The following NAPEPLD variants were observed in gnomAD, a reference collection of about 807,000 sequenced individuals.
NAPEPLD encodes the protein N-acyl-phosphatidylethanolamine-hydrolyzing phospholipase D.
Under a neutral mutation model 38.1 loss-of-function variants are expected in NAPEPLD, and 23 were observed. The observed-to-expected ratio is 0.60, with a 90% CI of 0.43 to 0.86. The LOEUF (loss-of-function observed/expected upper bound fraction) is 0.86, where lower values mean the gene tolerates loss of function less well. Ranked by LOEUF, NAPEPLD falls within the 40% of genes least tolerant of loss-of-function variation. The pLI is 0.00. For missense variants in NAPEPLD, 411 were observed against 476.8 expected, an observed-to-expected ratio of 0.86 and a Z score of 1.28; for synonymous variants, 147 against 162.0, an observed-to-expected ratio of 0.91 and a Z score of 0.71.
At chr7:103,105,773 A>G (rs1281145706) in intron 4 of NAPEPLD, among the ~76,000 whole-genome samples, 1 of 152,100 alleles carries the variant, frequency 6.6e-6, no homozygotes, top group African/African-American at 2.4e-5. Context: ...TCTCTACTAA[A>G]AATACAAAAA....
In NAPEPLD at chr7:103,125,899, T is replaced by TAAC. The variant is rs1351065885; in HGVS notation, c.294+2583_294+2584insGTT. Reference sequence around the variant, plus strand: ...TGAGACTCTGTCTCAAAAATAATAATAATAATAATAATAATAATAATAAAT... The same window carrying TAAC: ...TGAGACTCTGTCTCAAAAATAATAATAACAATAATAATAATAATAATAATAAAT... On this transcript the variant is annotated intron_variant, in intron 2 of 4. Coordinates refer to ENST00000465647, the MANE Select transcript of NAPEPLD (RefSeq NM_001122838.3). Among the ~76,000 whole-genome samples the TAAC allele has an allele frequency of 2.7e-5, 4 of 147,648 alleles. No individual in the cohort carries two copies. In the East Asian group the frequency reaches 8.2e-4, roughly 30 times the overall value.
upstream of NAPEPLD, among the ~76,000 whole-genome samples, chr7:103,149,795 T>C (rs951628779): frequency 6.6e-6 from 1 of 152,210 alleles, no homozygotes; most frequent in Non-Finnish European, 1.5e-5. Flanking sequence ...TTGCTAAAAC[T>C]AAATGGGATC....
intron 4 of NAPEPLD, 62 bp from the exon 5 acceptor site, chr7:103,103,616 A>C (rs1171483607): frequency 5.3e-6 from 8 of 1,522,260 alleles, no homozygotes; most frequent in Non-Finnish European, 7.0e-6. Flanking sequence ...AGATTTTCCA[A>C]ATAACAGTTC....
intron 1 of NAPEPLD, among the ~76,000 whole-genome samples, chr7:103,145,015 A>G (rs1174878985): frequency 1.3e-5 from 2 of 152,034 alleles, no homozygotes; most frequent in African/African-American, 4.8e-5. Context: ...TTGTCTCAAA[A>G]AAAAAAATTC....
intron 2 of NAPEPLD, among the ~76,000 whole-genome samples, chr7:103,125,906 A>T (rs1585865193): frequency 6.7e-6 from 1 of 148,672 alleles, no homozygotes; most frequent in Non-Finnish European, 1.5e-5. Context: ...TAATAATAAT[A>T]ATAATAATAA....
chr7:103,136,040 C>T (rs1422926669), intron 1 of NAPEPLD, among the ~76,000 whole-genome samples: 1 of 151,984 alleles, frequency 6.6e-6, no homozygotes, highest in Non-Finnish European at 1.5e-5. Context: ...AATCCCAATA[C>T]TTTGGGAGGC....
At chr7:103,111,745 C>T (rs1804565983) in intron 4 of NAPEPLD, among the ~76,000 whole-genome samples, 1 of 152,042 alleles carries the variant, frequency 6.6e-6, no homozygotes, top group South Asian at 2.1e-4. Flanking sequence ...GCAACAAAAG[C>T]CAAATAGACA....
rs772234349 is a variant in NAPEPLD, at chr7:103,120,036, C to T, written c.482G>A (p.Gly161Asp). The T allele has an allele frequency of 1.2e-6, 2 of 1,614,174 alleles. No homozygotes were observed. The highest frequency in any genetic ancestry group is 1.1e-5 in the South Asian group (1 of 91,078). The change falls in exon 3 of 5, where the codon GGT becomes GAT. Residue 161 changes from glycine (G) to aspartate (D), a missense_variant. By Grantham distance (94) the Gly-to-Asp change is moderately conservative. Transcript: ENST00000465647. ...CGGGGAACGACGAAATCGCTTTGGA[C>T]CCATGTACTGCGATGGTGAAGCACG... Reference protein sequence around the residue: ...SSRASPSQYMGPKRFRRSPCT... With the variant: ...SSRASPSQYMDPKRFRRSPCT...
chr7:103,149,120 C>T (rs1035919529), upstream of NAPEPLD: 2 of 986,666 alleles, frequency 2.0e-6, no homozygotes, highest in Non-Finnish European at 2.4e-6. Context: ...GCCCAGAGAC[C>T]GTGGAGGAGG....
In NAPEPLD at chr7:103,146,388, C is replaced by G. The variant is rs549958797; in HGVS notation, c.-17+2423G>C. Among the ~76,000 whole-genome samples the G allele has an allele frequency of 2.0e-5, 3 of 151,728 alleles. No homozygotes were observed. In the South Asian group the frequency reaches 6.2e-4, roughly 32 times the overall value. On this transcript the variant is annotated intron_variant, in intron 1 of 4. Transcript: ENST00000465647. ...GTGACCAGTTCAAGAGTGCTAGTGA[C>G]AATGAGAAAGCTTGGTGTTTCTCTA...
chr7:103,137,943 G>A (rs1484912580), intron 1 of NAPEPLD, among the ~76,000 whole-genome samples: 1 of 151,478 alleles, frequency 6.6e-6, no homozygotes, highest in African/African-American at 2.4e-5. Context: ...CTTGAAATGC[G>A]TCCTAAATAT....
At chr7:103,146,620 G>C (rs1476749360) in intron 1 of NAPEPLD, among the ~76,000 whole-genome samples, 2 of 152,196 alleles carry the variant, frequency 1.3e-5, no homozygotes, top group Non-Finnish European at 2.9e-5. Context: ...GAATTATGCT[G>C]ATCCATCTAC....
At chr7:103,145,793 A>T (rs1446859981) in intron 1 of NAPEPLD, among the ~76,000 whole-genome samples, 1 of 152,168 alleles carries the variant, frequency 6.6e-6, no homozygotes, top group Non-Finnish European at 1.5e-5. Context: ...ATGCTTAAAA[A>T]CACTTGGAAC....
At chr7:103,116,197 G>A (rs1022513626) in intron 3 of NAPEPLD, among the ~76,000 whole-genome samples, 2 of 152,068 alleles carry the variant, frequency 1.3e-5, no homozygotes, top group Non-Finnish European at 2.9e-5. Context: ...GGGTAGCTGG[G>A]ACTATAGGCA....
At position 103,141,482 on chromosome 7, in the gene NAPEPLD, T is replaced by C. The variant is rs908941429; in HGVS notation, c.-17+7329A>G. 5 of 1,331,600 alleles carry C rather than the reference T, an allele frequency of 3.8e-6. No homozygotes were observed. The East Asian group carries it at 6.9e-5, about 18-fold the overall frequency. 82.5% of individuals were successfully genotyped at this position (1,331,600 alleles called of 1,614,324 possible). A position where few individuals can be genotyped will look rare whatever the true frequency, so the allele number is the denominator to read the frequency against. ...GGCCTCAGCCTGATCAGCCAGGAGC[T>C]TCTTGCGGGCCTTGTCTGCCTTCAG... On this transcript the variant is annotated intron_variant, in intron 1 of 4. Coordinates refer to ENST00000465647, the MANE Select transcript of NAPEPLD (RefSeq NM_001122838.3).
intron 2 of NAPEPLD, among the ~76,000 whole-genome samples, chr7:103,124,849 A>G (rs1807437965): frequency 6.6e-6 from 1 of 152,220 alleles, no homozygotes; most frequent in African/African-American, 2.4e-5. Context: ...GTAAGTACCC[A>G]ATCAGGAGTG....
intron 1 of NAPEPLD, chr7:103,141,252 T>G (rs1230236199): frequency 5.8e-5 from 16 of 277,446 alleles, no homozygotes; most frequent in East Asian, 1.3e-4. Flanking sequence ...TTTTTTTTTT[T>G]TTTTTTTTTT....
chr7:103,113,475 G>A (rs1198091885), intron 4 of NAPEPLD, among the ~76,000 whole-genome samples: 1 of 152,058 alleles, frequency 6.6e-6, no homozygotes, highest in Admixed American at 6.6e-5. Context: ...TGAGACAGAG[G>A]AGTAACTAAA....
At position 103,119,702 on chromosome 7, in the gene NAPEPLD, GA is replaced by G. The variant is rs772147803; in HGVS notation, c.815del (p.Val272AlafsTer23). ...AAAAAAATCGATTCCAAGGCCCCAA[GA>G]CAGACCAGCTGCCCCATAGCACCTT... ...DNKVLWGSWS[V>X]LGPWNRFFFA... is the part of the protein sequence containing the mutation. On this transcript the variant is annotated frameshift_variant, in exon 3 of 5. Transcript: ENST00000465647. LOFTEE classifies it high-confidence loss of function. 2.5e-6 allele frequency: 4 copies of G among 1,613,918 alleles called. No homozygotes were observed. The highest frequency in any genetic ancestry group is 2.5e-6 in the Non-Finnish European group (3 of 1,180,010).
Sources: gnomAD v4.1 joint callset for allele counts (sites outside exome capture counted in the v4.1 genomes callset) on GRCh38, gnomAD v4.1.1 for gene constraint, MANE v1.5 for transcripts, NCBI Gene and HGNC (gene_info 2026-07-23, HGNC 2026-07-21) for gene names.